PEX5L: variants seen among roughly 807,000 people sequenced by gnomAD.
PEX5L encodes PEX5-related protein.
A neutral mutation model predicts 84.0 loss-of-function variants in PEX5L; 30 were observed. The ratio of observed to expected loss-of-function variants is 0.36; its 90% CI spans 0.27 to 0.48. The LOEUF (loss-of-function observed/expected upper bound fraction) is 0.48. Among genes scored for constraint, PEX5L ranks in the 20% least tolerant of loss-of-function variants. The pLI, the probability that PEX5L is intolerant of heterozygous loss-of-function variation, is 0.99. For missense variants in PEX5L, 533 were observed against 754.6 expected (o/e 0.71, Z 3.44); for synonymous variants, 270 against 283.1 (o/e 0.95, Z 0.46).
chr3:179,869,785 C>T (rs552354180), intron 7 of PEX5L, among the ~76,000 whole-genome samples: 1 of 152,310 alleles, frequency 6.6e-6, no homozygotes, highest in South Asian at 2.1e-4. Flanking sequence ...TGCAATTTAG[C>T]AGTGTGCCCA....
chr3:179,972,413 CTTGTGCTACAG>C (rs1430942697), intron 1 of PEX5L, among the ~76,000 whole-genome samples: 1 of 151,964 alleles, frequency 6.6e-6, no homozygotes, highest in African/African-American at 2.4e-5. Flanking sequence ...TCATTTTACA[CTTGTGCTACAG>C]CAGAAAGATA....
Position 179,801,909 on chromosome 3 carries a change from C to G in PEX5L, c.1800G>C (p.Leu600=). 1.2e-6 allele frequency: 2 copies of G among 1,614,062 alleles called. No individual in the cohort carries two copies. The highest frequency in any genetic ancestry group is 2.2e-5 in the South Asian group (2 of 91,074). The change falls in exon 15 of 15, where the codon CTG becomes CTC. Residue 600 remains leucine, a synonymous_variant. Transcript: ENST00000467460. The part of the protein sequence containing the change: ...IWAALRIALS[L]MDQPELFQAA... ...CCTGGAAGAGTTCTGGTTGGTCCAT[C>G]AGAGAGAGCGCAATTCTGAGGGCAG... is the stretch of plus-strand genomic sequence containing the variant.
intron 8 of PEX5L, among the ~76,000 whole-genome samples, chr3:179,858,698 T>C (rs1364039872): frequency 2.0e-5 from 3 of 152,158 alleles, no homozygotes; most frequent in Non-Finnish European, 2.9e-5. Flanking sequence ...GATAAAAATA[T>C]AAAGCATGAA....
rs376693119 is a variant in PEX5L, at chr3:179,926,874, C to T, written c.94-28628G>A. ...TGGCTTCAACTCATAGAAATGGTCA[C>T]CATCCAAAACAATTTTTATGATTTC... On this transcript the variant is annotated intron_variant, in intron 2 of 14. Coordinates refer to ENST00000467460, the MANE Select transcript of PEX5L (RefSeq NM_016559.3). Among the ~76,000 whole-genome samples, 27 of 152,302 alleles carry T rather than the reference C, an allele frequency of 1.8e-4. 1 individual carries two copies. The highest frequency in any genetic ancestry group is 1.7e-3 in the East Asian group (9 of 5,192).
intron 1 of PEX5L, among the ~76,000 whole-genome samples, chr3:180,018,470 T>A (rs1790131631): frequency 6.6e-6 from 1 of 152,218 alleles, no homozygotes; most frequent in African/African-American, 2.4e-5. Flanking sequence ...GGCCAGTCCT[T>A]CTGACTTGAC....
At position 179,898,220 on chromosome 3, in the gene PEX5L, C is replaced by T; in HGVS notation, c.120G>A (p.Lys40=). 1.9e-6 allele frequency: 3 copies of T among 1,613,412 alleles called. No homozygotes were observed. The highest frequency in any genetic ancestry group is 2.5e-6 in the Non-Finnish European group (3 of 1,179,486). ...KQGKGSRAAD[K]AVAMVMKEIP... ...TCTCCTTCATCACCATGGCAACAGCCTTATCTGCCGCCCTAGAGCCTTTTC... is the reference window on the plus strand; with the variant it reads ...TCTCCTTCATCACCATGGCAACAGCTTTATCTGCCGCCCTAGAGCCTTTTC... The change falls in exon 3 of 15, where the codon AAG becomes AAA. Residue 40 remains lysine (K), a synonymous_variant. Transcript: ENST00000467460.
At chr3:180,023,499 C>G (rs1374292358) in intron 1 of PEX5L, among the ~76,000 whole-genome samples, 1 of 152,012 alleles carries the variant, frequency 6.6e-6, no homozygotes, top group African/African-American at 2.4e-5. Context: ...TCGATGTTAG[C>G]AAAATTTTAA....
chr3:180,002,863 T>C (rs1788548030), intron 1 of PEX5L, among the ~76,000 whole-genome samples: 1 of 152,074 alleles, frequency 6.6e-6, no homozygotes, highest in Non-Finnish European at 1.5e-5. Flanking sequence ...GTACAGTAAA[T>C]AATCTTGCTA....
At chr3:180,014,099 A>G (rs1789723629) in intron 1 of PEX5L, among the ~76,000 whole-genome samples, 1 of 152,234 alleles carries the variant, frequency 6.6e-6, no homozygotes, top group Admixed American at 6.5e-5. Context: ...GCAGAATGAA[A>G]ATTAATGAAA....
intron 2 of PEX5L, among the ~76,000 whole-genome samples, chr3:179,946,365 G>A (rs1440382544): frequency 1.3e-5 from 2 of 152,182 alleles, no homozygotes; most frequent in African/African-American, 4.8e-5. Context: ...GCCTAGAATA[G>A]TGCAGGACAC....
chr3:180,023,762 G>GCA (rs1249349647), intron 1 of PEX5L, among the ~76,000 whole-genome samples: 124 of 138,408 alleles, frequency 9.0e-4, no homozygotes, highest in Non-Finnish European at 1.4e-3. Context: ...ACACACACAC[G>GCA]CACACACACA....
intron 8 of PEX5L, among the ~76,000 whole-genome samples, chr3:179,822,630 A>G (rs1245543916): frequency 1.3e-5 from 2 of 152,208 alleles, no homozygotes; most frequent in East Asian, 3.8e-4. Flanking sequence ...AATTTTAGAG[A>G]AACCTGAAAC....
intron 2 of PEX5L, chr3:179,902,725 G>A (rs1172349856): frequency 4.4e-6 from 2 of 453,124 alleles, no homozygotes; most frequent in Non-Finnish European, 8.9e-6. Flanking sequence ...AGTTACACAG[G>A]CCACTGGTGT....
At chr3:179,960,027 C>G (rs1781615518) in intron 2 of PEX5L, among the ~76,000 whole-genome samples, 1 of 152,152 alleles carries the variant, frequency 6.6e-6, no homozygotes, top group African/African-American at 2.4e-5. Flanking sequence ...TTTTCAAGAG[C>G]AGGCTTTATG....
rs576475895 is a variant in PEX5L at position 179,965,860 on chromosome 3, T to C, written c.93+5734A>G. ...TATTACTTGATACAAATAGAGAATATTTAGGAATAAAACACAGGGTGATTA... is the reference window on the plus strand; with the variant it reads ...TATTACTTGATACAAATAGAGAATACTTAGGAATAAAACACAGGGTGATTA... On this transcript the variant is annotated intron_variant, in intron 2 of 14. Transcript: ENST00000467460. 1.6e-4 allele frequency among the ~76,000 whole-genome samples: 25 copies of C among 152,244 alleles called. No individual in the cohort carries two copies. The South Asian group carries it at 5.0e-3, about 30-fold the overall frequency.
intron 2 of PEX5L, among the ~76,000 whole-genome samples, chr3:179,947,622 C>T (rs540802913): frequency 9.2e-4 from 139 of 151,606 alleles, no homozygotes; most frequent in African/African-American, 2.9e-3. Flanking sequence ...ATAGTACTGA[C>T]GCAAAGTAAA....
rs1304226850 is a variant in PEX5L at position 179,797,634 on chromosome 3, ACTT to A, written c.*4191_*4193del. The A allele has an allele frequency of 2.1e-5, 3 of 142,822 alleles. No homozygotes were observed. The highest frequency in any genetic ancestry group is 4.4e-4 in the South Asian group (2 of 4,558). 8.8% of individuals were successfully genotyped at this position (142,822 alleles called of 1,614,324 possible). On this transcript the variant is annotated 3_prime_UTR_variant, in exon 15 of 15. Transcript: ENST00000467460. ...TATATATATATATATATATATATCT[ACTT>A]CTTAGTTCAAAACAGTTTAATTTCA... is the stretch of plus-strand genomic sequence containing the variant.
Position 179,831,671 on chromosome 3 carries a change from A to G in PEX5L, c.823-11695T>C, listed in dbSNP as rs147630014. Among the ~76,000 whole-genome samples the G allele has an allele frequency of 7.4e-4, 113 of 152,140 alleles. 1 individual carries two copies. Among genetic ancestry groups the G allele is most frequent in the African/African-American group, 2.6e-3 (107 of 41,556 alleles). On this transcript the variant is annotated intron_variant, in intron 8 of 14. Transcript: ENST00000467460. ...GTGCTCTGGGAGAGGAGAGAACCCA[A>G]CCTAGACTTAGGAGTTCAGGAGTCT...
rs188967989 is a variant in PEX5L at position 179,947,780 on chromosome 3, C to T, written c.93+23814G>A. Among the ~76,000 whole-genome samples the T allele has an allele frequency of 1.5e-4, 22 of 149,544 alleles. No homozygotes were observed. The Middle Eastern group carries it at 0.01, about 70-fold the overall frequency. ...GGAGTGCAGTGGCATGATCTCCACT[C>T]ACCGCAAGCTCTGCCTCCTGGGTTC... is the stretch of plus-strand genomic sequence containing the variant. On this transcript the variant is annotated intron_variant, in intron 2 of 14. Transcript: ENST00000467460.
Sources: gnomAD v4.1 joint callset for allele counts (sites outside exome capture counted in the v4.1 genomes callset) on GRCh38, gnomAD v4.1.1 for gene constraint, MANE v1.5 for transcripts, NCBI Gene and HGNC (gene_info 2026-07-23, HGNC 2026-07-21) for gene names.